The following STAC3 variants were observed in gnomAD, a reference collection of about 807,000 sequenced individuals.
STAC3 encodes the protein SH3 and cysteine rich domain 3, also known as SH3 and cysteine-rich domain-containing protein 3.
A neutral mutation model predicts 48.5 loss-of-function variants in STAC3; 30 were observed. The ratio of observed to expected loss-of-function variants is 0.62; its 90% CI spans 0.46 to 0.84. The LOEUF (loss-of-function observed/expected upper bound fraction) is 0.84, where lower values mean the gene tolerates loss of function less well. Among genes scored for constraint, STAC3 ranks in the 40% least tolerant of loss-of-function variants. The pLI is 0.00. For missense variants in STAC3, 419 were observed against 462.6 expected (o/e 0.91, Z 0.86); for synonymous variants, 144 against 158.6 (o/e 0.91, Z 0.69).
chr12:57,244,835 T>C, intron 8 of STAC3, 81 bp downstream of exon 8: 1 of 1,543,410 alleles, frequency 6.5e-7, no homozygotes, highest in Non-Finnish European at 8.9e-7. Flanking sequence ...AAGAGTGAGC[T>C]TCTGCCAGGG....
chr12:57,244,085 T>C lies in STAC3; in HGVS notation c.996+3A>G, dbSNP rs2136821619. On this transcript the variant is annotated splice_donor_region_variant and intron_variant, in intron 11 of 11. Coordinates refer to ENST00000332782, the MANE Select transcript of STAC3 (RefSeq NM_145064.3). ...CTGGGATTGGGTTGGGGCAACAGCC[T>C]ACCTGGTCCTTCTTGAGAGTGATCT... The C allele has an allele frequency of 6.2e-7, 1 of 1,614,112 alleles. No homozygotes were observed. The highest frequency in any genetic ancestry group is 8.5e-7 in the Non-Finnish European group (1 of 1,180,026).
rs1176694367 is a variant in STAC3, at chr12:57,244,984, A to C, written c.671-19T>G. The C allele has an allele frequency of 1.2e-6, 2 of 1,614,056 alleles. No individual in the cohort carries two copies. Among genetic ancestry groups the C allele is most frequent in the East Asian group, 4.5e-5 (2 of 44,878 alleles). ...GGGTTTCCTGGGATAGGAAACACCA[A>C]CAAATTGTCTGTCTCCTGGAGGGCA... On this transcript the variant is annotated intron_variant, in intron 7 of 11. Coordinates refer to ENST00000332782, the MANE Select transcript of STAC3 (RefSeq NM_145064.3).
chr12:57,248,539 C>T (rs1040398563), intron 4 of STAC3, among the ~76,000 whole-genome samples, 167 bp downstream of exon 4: 6 of 152,064 alleles, frequency 3.9e-5, no homozygotes, highest in African/African-American at 4.8e-5. Flanking sequence ...TCACCACGCC[C>T]GGCTAATTTT....
At chr12:57,246,687 A>G (rs2037749888) in intron 6 of STAC3, 117 bp downstream of exon 6, 2 of 961,192 alleles carry the variant, frequency 2.1e-6, no homozygotes, top group Non-Finnish European at 3.3e-6. Flanking sequence ...TGCCTGGCCG[A>G]GTTTTGTGCA....
At chr12:57,245,111 A>G (rs747588922) in intron 7 of STAC3, 34 bp downstream of exon 7, 2 of 1,608,856 alleles carry the variant, frequency 1.2e-6, no homozygotes, top group South Asian at 2.2e-5. Context: ...CTCTGATCCT[A>G]CTCCATCTCT....
At chr12:57,248,481 C>A (rs544030094) in intron 4 of STAC3, 17 of 591,474 alleles carry the variant, frequency 2.9e-5, no homozygotes, top group Middle Eastern at 4.8e-4. Flanking sequence ...CGAGTTTACG[C>A]CATTCTCCTG....
In STAC3 at chr12:57,249,077, G is replaced by T. The variant is rs975202715; in HGVS notation, c.298C>A (p.Pro100Thr). The T allele has an allele frequency of 6.2e-7, 1 of 1,608,150 alleles. No individual in the cohort carries two copies. Among genetic ancestry groups the T allele is most frequent in the Non-Finnish European group, 8.5e-7 (1 of 1,176,772 alleles). The stretch of plus-strand genomic sequence containing the variant: ...CGGGCACAGACATCACAGAACTTTG[G>T]CTTCTTGAAGAAGTGATCTTTGAAT... ...HKFKDHFFKK[P>T]KFCDVCARMI... The change falls in exon 3 of 12, where the codon CCA becomes ACA. Residue 100 changes from proline to threonine, a missense_variant. By Grantham distance (38) the Pro-to-Thr change is conservative. Transcript: ENST00000332782.
intron 1 of STAC3, among the ~76,000 whole-genome samples, chr12:57,249,931 G>A (rs1439346469): frequency 6.6e-6 from 1 of 152,086 alleles, no homozygotes; most frequent in Non-Finnish European, 1.5e-5. Context: ...TTTATTTTTT[G>A]TAGAGACATG....
chr12:57,244,736 C>A, intron 8 of STAC3, 114 bp from the exon 9 acceptor site: 1 of 1,429,010 alleles, frequency 7.0e-7, no homozygotes, highest in Non-Finnish European at 9.8e-7. Flanking sequence ...TCTTCTAGGT[C>A]CCTGAACTGA....
intron 9 of STAC3, 79 bp downstream of exon 9, chr12:57,244,458 C>G (rs1415690287): frequency 5.4e-5 from 87 of 1,612,148 alleles, no homozygotes; most frequent in Non-Finnish European, 8.5e-6. Flanking sequence ...CTGAGTCCCC[C>G]CTTTTCCTTT....
chr12:57,244,862 C>G, intron 8 of STAC3, 54 bp downstream of exon 8: 1 of 1,600,944 alleles, frequency 6.2e-7, no homozygotes, highest in Non-Finnish European at 8.6e-7. Context: ...GTAGTGGTGT[C>G]AGAGCTGGGT....
At position 57,247,425 on chromosome 12, in the gene STAC3, A is replaced by ATT. The variant is rs1227095476; in HGVS notation, c.506-526_506-525dup. On this transcript the variant is annotated intron_variant, in intron 5 of 11. Transcript: ENST00000332782. ...CCAAATTATTATTATTATTATTATT[A>ATT]TTATTTTTTTTTTTTTTTTTTTTTT... is the stretch of plus-strand genomic sequence containing the variant. Among the ~76,000 whole-genome samples, 291 of 58,870 alleles carry ATT rather than the reference A, an allele frequency of 4.9e-3. 5 individuals are homozygous for ATT. The highest frequency in any genetic ancestry group is 0.016 in the African/African-American group (257 of 15,806). The allele number at this position is 58,870 out of a possible 152,430, so 38.6% of individuals were successfully genotyped here. A position where few individuals can be genotyped will look rare whatever the true frequency, so the allele number is the denominator to read the frequency against.
intron 4 of STAC3, 116 bp from the exon 5 acceptor site, chr12:57,248,314 C>T (rs2037808611): frequency 4.5e-6 from 4 of 883,346 alleles, no homozygotes; most frequent in African/African-American, 1.7e-5. Context: ...AAAGAAAAAG[C>T]AGAGAAATGA....
intron 1 of STAC3, among the ~76,000 whole-genome samples, chr12:57,249,987 C>T (rs758082799): frequency 2.4e-4 from 37 of 152,212 alleles, no homozygotes; most frequent in Non-Finnish European, 4.7e-4. Flanking sequence ...CTCAAGCAAT[C>T]TTCCTGTTTC....
intron 6 of STAC3, 109 bp from the exon 7 acceptor site, chr12:57,245,320 G>A (rs2037710272): frequency 1.0e-6 from 1 of 976,272 alleles, no homozygotes; most frequent in Non-Finnish European, 1.5e-6. Flanking sequence ...AGATCTCAGA[G>A]TTGGAAGAGG....
In STAC3 at chr12:57,243,708, C is replaced by T. The variant is rs1371807728; in HGVS notation, c.*104G>A. The T allele has an allele frequency of 9.1e-7, 1 of 1,095,350 alleles. No homozygotes were observed. Among genetic ancestry groups the T allele is most frequent in the Non-Finnish European group, 1.4e-6 (1 of 729,922 alleles). The allele number at this position is 1,095,350 out of a possible 1,614,324, so 67.9% of individuals were successfully genotyped here. A position where few individuals can be genotyped will look rare whatever the true frequency, so the allele number is the denominator to read the frequency against. On this transcript the variant is annotated 3_prime_UTR_variant, in exon 12 of 12. Coordinates refer to ENST00000332782, the MANE Select transcript of STAC3 (RefSeq NM_145064.3). ...TCGCGCTCAGGCGGGCCTTCCTACCCCTCCTCTCCCAGCAGTCCCGTTGCT... is the reference window on the plus strand; with the variant it reads ...TCGCGCTCAGGCGGGCCTTCCTACCTCTCCTCTCCCAGCAGTCCCGTTGCT...
At chr12:57,247,058 C>T (rs1365885932) in intron 5 of STAC3, among the ~76,000 whole-genome samples, 157 bp from the exon 6 acceptor site, 2 of 151,922 alleles carry the variant, frequency 1.3e-5, no homozygotes, top group African/African-American at 4.8e-5. Flanking sequence ...GTCAGCTAGG[C>T]AATACCCAGG....
At chr12:57,243,975 G>A in intron 11 of STAC3, 65 bp from the exon 12 acceptor site, 1 of 1,607,124 alleles carries the variant, frequency 6.2e-7, no homozygotes, top group Non-Finnish European at 8.5e-7. Flanking sequence ...GGACAGCAGG[G>A]GAGCCGGGGT....
chr12:57,247,061 T>C (rs1437147996), intron 5 of STAC3, among the ~76,000 whole-genome samples, 160 bp from the exon 6 acceptor site: 43 of 151,958 alleles, frequency 2.8e-4, no homozygotes, highest in Non-Finnish European at 1.5e-5. Flanking sequence ...AGCTAGGCAA[T>C]ACCCAGGACA....
Sources: gnomAD v4.1 joint callset for allele counts (sites outside exome capture counted in the v4.1 genomes callset) on GRCh38, gnomAD v4.1.1 for gene constraint, MANE v1.5 for transcripts, NCBI Gene and HGNC (gene_info 2026-07-23, HGNC 2026-07-21) for gene names.